Variants in HIVEP1 observed in about 807,000 individuals in gnomAD.
HIVEP1 encodes the protein zinc finger protein 40.
A neutral mutation model predicts 180.0 loss-of-function variants in HIVEP1; 36 were observed. The observed-to-expected ratio is 0.20, with a 90% confidence interval of 0.15 to 0.26. The LOEUF (loss-of-function observed/expected upper bound fraction) is 0.26, where lower values mean the gene tolerates loss of function less well. HIVEP1 is among the 10% of genes least tolerant of loss of function. The pLI, the probability that HIVEP1 is intolerant of heterozygous loss-of-function variation, is 1.00. For missense variants in HIVEP1, 3,143 were observed against 3,268.7 expected (o/e 0.96, Z 0.94); for synonymous variants, 1,239 against 1,239.0 (o/e 1.00, Z 0.00).
chr6:12,186,029 G>A, the HIVEP1 span, among the ~76,000 whole-genome samples: 40 of 152,032 alleles, frequency 2.6e-4, no homozygotes, highest in East Asian at 6.0e-3. Context: ...CCAAAAGCAA[G>A]TAAAAATCTA....
chr6:12,156,438 A>T (rs1257832354), intron 7 of HIVEP1, among the ~76,000 whole-genome samples: 1 of 152,116 alleles, frequency 6.6e-6, no homozygotes, highest in Non-Finnish European at 1.5e-5. Context: ...GTCCAGTTTC[A>T]GTTTTCTGCA....
chr6:12,177,396 G>T, the HIVEP1 span, among the ~76,000 whole-genome samples: 2 of 152,148 alleles, frequency 1.3e-5, no homozygotes, highest in East Asian at 1.9e-4. Flanking sequence ...CTGTGCTTGG[G>T]ATTTTATTCT....
At chr6:12,019,187 A>G (rs371260108) in intron 2 of HIVEP1, among the ~76,000 whole-genome samples, 18 of 152,126 alleles carry the variant, frequency 1.2e-4, no homozygotes, top group South Asian at 1.0e-3. Context: ...GAGCCAGTGT[A>G]GCTCACTCAG....
At chr6:12,197,288 C>T in the HIVEP1 span, among the ~76,000 whole-genome samples, 3 of 151,962 alleles carry the variant, frequency 2.0e-5, no homozygotes, top group Non-Finnish European at 4.4e-5. Context: ...CTGGGTGCAG[C>T]GGCTCATACC....
intron 7 of HIVEP1, among the ~76,000 whole-genome samples, chr6:12,160,946 A>G (rs947225962): frequency 1.3e-5 from 2 of 152,188 alleles, no homozygotes; most frequent in Non-Finnish European, 2.9e-5. Context: ...CTATAATACT[A>G]TTCAAATCTA....
the HIVEP1 span, among the ~76,000 whole-genome samples, chr6:12,191,587 T>C: frequency 6.6e-6 from 1 of 152,022 alleles, no homozygotes; most frequent in Non-Finnish European, 1.5e-5. Context: ...AGTGAGACTC[T>C]GTCTAAAAAA....
the HIVEP1 span, among the ~76,000 whole-genome samples, chr6:12,170,189 T>C: frequency 6.6e-6 from 1 of 151,920 alleles, no homozygotes; most frequent in Non-Finnish European, 1.5e-5. Context: ...CTTCAGGAGC[T>C]TCAGTTCTAG....
chr6:12,041,901 C>T (rs1487447455), intron 2 of HIVEP1, among the ~76,000 whole-genome samples: 1 of 151,790 alleles, frequency 6.6e-6, no homozygotes, highest in Non-Finnish European at 1.5e-5. Context: ...CCTTGTGATC[C>T]GCCCGCCTTG....
chr6:12,107,161 C>T (rs1774483481), intron 3 of HIVEP1, among the ~76,000 whole-genome samples: 1 of 152,202 alleles, frequency 6.6e-6, no homozygotes, highest in Non-Finnish European at 1.5e-5. Context: ...TTCTAGACCA[C>T]TGCAGTAAAG....
the HIVEP1 span, among the ~76,000 whole-genome samples, chr6:12,190,682 A>G: frequency 2.6e-5 from 4 of 151,344 alleles, no homozygotes; most frequent in Admixed American, 6.6e-5. Context: ...TTCCTTTCAT[A>G]CTCAATTTCT....
chr6:12,194,533 G>T, the HIVEP1 span, among the ~76,000 whole-genome samples: 3 of 152,178 alleles, frequency 2.0e-5, no homozygotes, highest in African/African-American at 7.2e-5. Context: ...GGACGCGGTG[G>T]CTCACAGCTG....
intron 2 of HIVEP1, among the ~76,000 whole-genome samples, chr6:12,019,787 A>G (rs1210558363): frequency 6.6e-6 from 1 of 152,202 alleles, no homozygotes; most frequent in Non-Finnish European, 1.5e-5. Flanking sequence ...TCCTGCTGGG[A>G]CAGATATATC....
At chr6:12,009,696 A>G (rs1767179868), upstream of HIVEP1, among the ~76,000 whole-genome samples, 2 of 152,236 alleles carry the variant, frequency 1.3e-5, no homozygotes, top group Admixed American at 1.3e-4. Context: ...CTGCATCCTG[A>G]TATCTGGGAA....
At position 12,120,200 on chromosome 6, in the gene HIVEP1, G is replaced by A. The variant is rs1171368310; in HGVS notation, c.405G>A (p.Leu135=). The A allele has an allele frequency of 1.9e-6, 3 of 1,614,080 alleles. No homozygotes were observed. Among genetic ancestry groups the A allele is most frequent in the East Asian group, 4.5e-5 (2 of 44,892 alleles). ...SEESVSPKKP[L]FLQQPSELRR... ...AATCTGTCTCCCCAAAGAAGCCCTT[G>A]TTTCTGCAGCAACCATCTGAACTGC... Residue 135 remains leucine, a synonymous_variant, in exon 4 of 9, where the codon TTG becomes TTA. Transcript: ENST00000379388.
At chr6:12,049,658 T>C (rs1770373005) in intron 2 of HIVEP1, among the ~76,000 whole-genome samples, 1 of 152,252 alleles carries the variant, frequency 6.6e-6, no homozygotes, top group Non-Finnish European at 1.5e-5. Flanking sequence ...GCTATTTATA[T>C]GTAGAAAGAA....
At chr6:12,034,518 T>G (rs2113653369) in intron 2 of HIVEP1, among the ~76,000 whole-genome samples, 1 of 152,256 alleles carries the variant, frequency 6.6e-6, no homozygotes, top group Non-Finnish European at 1.5e-5. Flanking sequence ...GACGCTGCAG[T>G]TCAATAGGAG....
the HIVEP1 span, among the ~76,000 whole-genome samples, chr6:12,204,180 C>T: frequency 6.6e-6 from 1 of 152,174 alleles, no homozygotes; most frequent in East Asian, 1.9e-4. Flanking sequence ...GAGGACACTT[C>T]CATGCAGACA....
At chr6:12,138,355 C>G (rs760457326) in intron 7 of HIVEP1, among the ~76,000 whole-genome samples, 49 of 152,182 alleles carry the variant, frequency 3.2e-4, no homozygotes, top group Non-Finnish European at 5.4e-4. Flanking sequence ...AAGATTGGGT[C>G]TCATTATTCT....
downstream of HIVEP1, among the ~76,000 whole-genome samples, chr6:12,167,655 G>GCA (rs1760750179): frequency 9.7e-6 from 1 of 103,374 alleles, no homozygotes; most frequent in Non-Finnish European, 2.0e-5. Context: ...ACATATATAT[G>GCA]TTATATATAC....
Sources: gnomAD v4.1 joint callset for allele counts (sites outside exome capture counted in the v4.1 genomes callset) on GRCh38, gnomAD v4.1.1 for gene constraint, MANE v1.5 for transcripts, NCBI Gene and HGNC (gene_info 2026-07-23, HGNC 2026-07-21) for gene names.